FSD1: variants seen among roughly 807,000 people sequenced by gnomAD.
The protein encoded by FSD1 is fibronectin type III and SPRY domain-containing protein 1.
In FSD1, 23 loss-of-function variants were observed where a neutral mutation model predicts 58.2. The observed-to-expected ratio is 0.40, with a 90% CI of 0.28 to 0.56. The LOEUF (loss-of-function observed/expected upper bound fraction) is 0.56. Ranked by LOEUF, FSD1 falls within the 20% of genes least tolerant of loss-of-function variation. The pLI is 0.54. For synonymous variants in FSD1, 265 were observed against 263.4 expected (o/e 1.01, Z -0.06); for missense variants, 563 against 670.8 (o/e 0.84, Z 1.78).
rs550333648 is a variant in FSD1, at chr19:4,322,981, C to T, written c.1040-5C>T. The T allele has an allele frequency of 3.0e-5, 48 of 1,608,128 alleles. No individual in the cohort carries two copies. The South Asian group carries it at 4.9e-4, about 16-fold the overall frequency. ...CCTGCCCACCCCTCCTGCCCTGCGCCACAGGGGACACGCTGATCGACGGCG... is the reference window on the plus strand; with the variant it reads ...CCTGCCCACCCCTCCTGCCCTGCGCTACAGGGGACACGCTGATCGACGGCG... On this transcript the variant is annotated splice_region_variant and splice_polypyrimidine_tract_variant and intron_variant, in intron 10 of 12. Coordinates refer to ENST00000221856, the MANE Select transcript of FSD1 (RefSeq NM_024333.3).
chr19:4,317,087 C>T lies in FSD1; in HGVS notation c.701-95C>T, dbSNP rs558635799. ...GTTTATAAGGTGGTTCTTAGAATGG[C>T]GTTGGGAATCACTGTGGGACATGAC... On this transcript the variant is annotated intron_variant, in intron 7 of 12. Coordinates refer to ENST00000221856, the MANE Select transcript of FSD1 (RefSeq NM_024333.3). The T allele has an allele frequency of 7.4e-5, 56 of 758,948 alleles. No individual in the cohort carries two copies. The South Asian group carries it at 7.8e-4, about 11-fold the overall frequency. The allele number at this position is 758,948 out of a possible 1,614,324, so 47.0% of individuals were successfully genotyped here.
At chr19:4,321,400 G>A (rs1220729453) in intron 10 of FSD1, among the ~76,000 whole-genome samples, 1 of 120,404 alleles carries the variant, frequency 8.3e-6, no homozygotes, top group Admixed American at 7.8e-5. Flanking sequence ...AGGAGTATCT[G>A]GAGGGGAATA....
chr19:4,317,680 G>A (rs1010632902), intron 8 of FSD1, among the ~76,000 whole-genome samples: 12 of 152,172 alleles, frequency 7.9e-5, no homozygotes, highest in African/African-American at 2.9e-4. Context: ...CCCTTTTTTG[G>A]GATTAGTCCT....
chr19:4,314,046 A>C (rs1971725984), intron 7 of FSD1, among the ~76,000 whole-genome samples: 1 of 152,060 alleles, frequency 6.6e-6, no homozygotes, highest in Non-Finnish European at 1.5e-5. Context: ...AAAAGAAAAA[A>C]AAAGCCATCC....
intron 6 of FSD1, 23 bp downstream of exon 6, chr19:4,310,619 G>A (rs745933286): frequency 5.6e-6 from 9 of 1,605,562 alleles, no homozygotes; most frequent in African/African-American, 2.7e-5. Flanking sequence ...CGCACTAGAG[G>A]GCCAGGACTT....
chr19:4,310,434 G>T (rs746712009), intron 5 of FSD1, 41 bp from the exon 6 acceptor site: 3 of 1,606,194 alleles, frequency 1.9e-6, no homozygotes, highest in Non-Finnish European at 2.6e-6. Flanking sequence ...GGATGACCAG[G>T]CCTGGTCCCC....
In FSD1 at chr19:4,310,519, T is replaced by G. The variant is rs756565561; in HGVS notation, c.413T>G (p.Val138Gly). The stretch of plus-strand genomic sequence containing the variant: ...TTCCGGCTATCATTGAAAGCGAAGG[T>G]CAGTGACAACATGAGTCACCTCATG... ...PAFRLSLKAK[V>G]SDNMSHLMVD... The change falls in exon 6 of 13, where the codon GTC becomes GGC. Residue 138 changes from valine to glycine, a missense_variant. Transcript: ENST00000221856. The G allele has an allele frequency of 6.8e-6, 11 of 1,613,670 alleles. No homozygotes were observed. The highest frequency in any genetic ancestry group is 9.3e-6 in the Non-Finnish European group (11 of 1,179,880).
At position 4,318,434 on chromosome 19, in the gene FSD1, G is replaced by A. The variant is rs938995624; in HGVS notation, c.888G>A (p.Lys296=). 1.9e-6 allele frequency: 3 copies of A among 1,613,940 alleles called. No homozygotes were observed. Among genetic ancestry groups the A allele is most frequent in the South Asian group, 2.2e-5 (2 of 91,080 alleles). The change falls in exon 9 of 13, where the codon AAG becomes AAA. Residue 296 remains lysine (K), a synonymous_variant. Coordinates refer to ENST00000221856, the MANE Select transcript of FSD1 (RefSeq NM_024333.3). ...LSVEWDAMGG[K]VQDIKAREKD... Reference sequence around the variant, plus strand: ...TGGAGTGGGACGCTATGGGCGGGAAGGTGCAGGATATCAAGGCTCGCGAGA... The same window carrying A: ...TGGAGTGGGACGCTATGGGCGGGAAAGTGCAGGATATCAAGGCTCGCGAGA...
At position 4,318,895 on chromosome 19, in the gene FSD1, T is replaced by C. The variant is rs1971784373; in HGVS notation, c.983T>C (p.Met328Thr). 6.2e-7 allele frequency: 1 copy of C among 1,613,692 alleles called. No homozygotes were observed. ...PARGTPSPKRMPSGRGGRDRF... is the reference protein window; with the variant it reads ...PARGTPSPKRTPSGRGGRDRF... ...AGAGGTACTCCATCTCCCAAGAGGA[T>C]GCCCTCAGGTCGTGGGGGACGGGAC... Residue 328 changes from methionine to threonine, a missense_variant, in exon 10 of 13, where the codon ATG becomes ACG. Met to Thr is a moderately conservative substitution (Grantham distance 81). Transcript: ENST00000221856.
intron 1 of FSD1, 61 bp from the exon 2 acceptor site, chr19:4,305,873 CGTACACGTGTGT>C (rs2144753455): frequency 9.2e-7 from 1 of 1,081,342 alleles, no homozygotes; most frequent in African/African-American, 1.5e-5. Flanking sequence ...TGTACATGTG[CGTACACGTGTGT>C]GTACCTGTGT....
chr19:4,306,748 C>G (rs1971627003), intron 3 of FSD1, among the ~76,000 whole-genome samples: 1 of 152,142 alleles, frequency 6.6e-6, no homozygotes, highest in Non-Finnish European at 1.5e-5. Flanking sequence ...GCCCCCGCGC[C>G]TGGCCCATCT....
chr19:4,304,770 G>C lies in FSD1; in HGVS notation c.15+9G>C. 9.7e-7 allele frequency: 1 copy of C among 1,035,878 alleles called. No individual in the cohort carries two copies. Among genetic ancestry groups the C allele is most frequent in the Non-Finnish European group, 1.2e-6 (1 of 809,112 alleles). 64.2% of individuals were successfully genotyped at this position (1,035,878 alleles called of 1,614,324 possible). On this transcript the variant is annotated intron_variant, in intron 1 of 12. Coordinates refer to ENST00000221856, the MANE Select transcript of FSD1 (RefSeq NM_024333.3). ...CCATGGAAGAACAGAGGGTAGGACG[G>C]GGTGGGGCAGGGCGGGCCCGCAGGG...
chr19:4,306,844 T>G (rs1262787661), intron 3 of FSD1, among the ~76,000 whole-genome samples: 1 of 151,798 alleles, frequency 6.6e-6, no homozygotes, highest in Non-Finnish European at 1.5e-5. Context: ...GTGCCTCCGG[T>G]TTCTCAGCCC....
intron 5 of FSD1, 77 bp from the exon 6 acceptor site, chr19:4,310,398 C>T: frequency 6.2e-7 from 1 of 1,605,908 alleles, no homozygotes; most frequent in Non-Finnish European, 8.5e-7. Flanking sequence ...GGACGGGAGC[C>T]CTGGGGAGGG....
In FSD1 at chr19:4,318,490, T is replaced by A; in HGVS notation, c.944T>A (p.Ile315Asn). 6.2e-7 allele frequency: 1 copy of A among 1,609,744 alleles called. No individual in the cohort carries two copies. The highest frequency in any genetic ancestry group is 8.5e-7 in the Non-Finnish European group (1 of 1,177,876). Reference protein sequence around the residue: ...KDGKGRTASPINSPARGTPSP... With the variant: ...KDGKGRTASPNNSPARGTPSP... ...GGCAAGGGGCGGACGGCGTCTCCCA[T>A]CAACTCCCCAGCCAGGTAGCCTGCC... is the stretch of plus-strand genomic sequence containing the variant. The change falls in exon 9 of 13, where the codon ATC becomes AAC. Residue 315 changes from isoleucine to asparagine, a missense_variant. By Grantham distance (149) the Ile-to-Asn change is moderately radical. Transcript: ENST00000221856.
At chr19:4,307,010 G>T (rs1005957795) in intron 3 of FSD1, among the ~76,000 whole-genome samples, 3 of 152,192 alleles carry the variant, frequency 2.0e-5, no homozygotes, top group African/African-American at 7.2e-5. Context: ...GTCCCAGGGG[G>T]AATCTAGAGC....
chr19:4,309,032 A>G (rs958871160), intron 4 of FSD1, among the ~76,000 whole-genome samples: 6 of 151,966 alleles, frequency 3.9e-5, no homozygotes, highest in African/African-American at 9.7e-5. Context: ...CAGAGATCGC[A>G]CCACTGCACT....
rs546174735 is a variant in FSD1 at position 4,313,051 on chromosome 19, C to G, written c.700+1000C>G. 8.0e-5 allele frequency among the ~76,000 whole-genome samples: 12 copies of G among 150,588 alleles called. No homozygotes were observed. In the East Asian group the frequency reaches 2.4e-3, roughly 30 times the overall value. ...TATTTGGGGTCCTCCTTGGCAGTTA[C>G]AAGAAATTGAAAGCTGGCCAGGCAT... On this transcript the variant is annotated intron_variant, in intron 7 of 12. Transcript: ENST00000221856.
At chr19:4,318,634 G>A (rs1568381614) in intron 9 of FSD1, 129 bp downstream of exon 9, 1 of 878,770 alleles carries the variant, frequency 1.1e-6, no homozygotes, top group Non-Finnish European at 1.7e-6. Context: ...GAGAGGGAAT[G>A]AAGGGAGAGG....
Sources: allele counts gnomAD v4.1 joint callset (sites outside exome capture counted in the v4.1 genomes callset), GRCh38; gene constraint gnomAD v4.1.1; transcripts MANE v1.5; gene names NCBI Gene and HGNC (gene_info 2026-07-23, HGNC 2026-07-21).